Variants in SSC5D observed in about 807,000 individuals in gnomAD.
SSC5D encodes scavenger receptor cysteine rich family member with 5 domains, also known as soluble scavenger receptor cysteine-rich domain-containing protein SSC5D.
SSC5D carries 106 observed loss-of-function variants against 104.6 expected under a neutral mutation model. The observed-to-expected ratio is 1.01, with a 90% CI of 0.87 to 1.19. The LOEUF is 1.19. Ranked by LOEUF, SSC5D falls within the 50% of genes most tolerant of loss-of-function variation. SSC5D has a pLI of 0.00. For synonymous variants in SSC5D, 860 were observed against 883.5 expected, an observed-to-expected ratio of 0.97 and a Z score of 0.47; for missense variants, 1,993 against 2,153.8, an observed-to-expected ratio of 0.93 and a Z score of 1.48.
rs1428825432 is a variant in SSC5D, at chr19:55,503,423, T to G, written c.2785+2222T>G. 6.6e-6 allele frequency among the ~76,000 whole-genome samples: 1 copy of G among 152,090 alleles called. No individual in the cohort carries two copies. Among genetic ancestry groups the G allele is most frequent in the Non-Finnish European group, 1.5e-5 (1 of 68,034 alleles). Reference sequence around the variant, plus strand: ...TATCTTTTCCTTTGTCTCTTACGGTTGTTTTCTGAGTCTCCATCTCCCGCG... The same window carrying G: ...TATCTTTTCCTTTGTCTCTTACGGTGGTTTTCTGAGTCTCCATCTCCCGCG... On this transcript the variant is annotated intron_variant, in intron 12 of 13. Coordinates refer to ENST00000389623, the MANE Select transcript of SSC5D (RefSeq NM_001144950.2). The surrounding 1 kb of genome is among the most constrained non-coding windows in gnomAD (Gnocchi z 4.0).
In SSC5D at chr19:55,494,648, G is replaced by A. The variant is rs766213863; in HGVS notation, c.1252G>A (p.Asp418Asn). 4.5e-6 allele frequency: 7 copies of A among 1,546,194 alleles called. No homozygotes were observed. The African/African-American group carries it at 5.5e-5, about 12-fold the overall frequency. Residue 418 changes from aspartate (D) to asparagine (N), a missense_variant, in exon 8 of 14, where the codon GAC becomes AAC. Transcript: ENST00000389623. ...CTACGTCCCTCCCACGGCCCCCACG[G>A]ACAGCAACAACTCCACGCCCAGGGA... Reference protein sequence around the residue: ...LGYVPPTAPTDSNNSTPREAA... With the variant: ...LGYVPPTAPTNSNNSTPREAA...
At position 55,490,858 on chromosome 19, in the gene SSC5D, GA is replaced by G. The variant is rs1311604703; in HGVS notation, c.674del (p.Asp225ValfsTer10). ...CGGGCGCTGGGGCACCGTATGTGAC[GA>G]TGGCTGGGACCTGCGCGACGCTGCT... is the stretch of plus-strand genomic sequence containing the variant. ...HGGRWGTVCD[D>X]GWDLRDAAVA... On this transcript the variant is annotated frameshift_variant, in exon 6 of 14. Coordinates refer to ENST00000389623, the MANE Select transcript of SSC5D (RefSeq NM_001144950.2). LOFTEE classifies it high-confidence loss of function. 1 of 1,547,022 alleles carries G rather than the reference GA, an allele frequency of 6.5e-7. No individual in the cohort carries two copies. The highest frequency in any genetic ancestry group is 8.7e-7 in the Non-Finnish European group (1 of 1,145,318).
intron 12 of SSC5D, among the ~76,000 whole-genome samples, chr19:55,511,268 G>A (rs1004466124): frequency 2.6e-5 from 4 of 152,220 alleles, no homozygotes; most frequent in African/African-American, 7.2e-5. Context: ...TTCTATCAGC[G>A]TGCAGTGTCT....
Position 55,517,267 on chromosome 19 carries a change from C to T in SSC5D, c.2991C>T (p.Pro997=), listed in dbSNP as rs1441305390. Residue 997 remains proline (P), a synonymous_variant, in exon 14 of 14, where the codon CCC becomes CCT. Transcript: ENST00000389623. The part of the protein sequence containing the change: ...KPWPERRPPR[P]AATRTAPPTP... ...GGCCCGAGCGCCGGCCACCGCGGCC[C>T]GCTGCGACCAGGACAGCGCCCCCAA... 6.5e-7 allele frequency: 1 copy of T among 1,545,138 alleles called. No homozygotes were observed. Among genetic ancestry groups the T allele is most frequent in the South Asian group, 1.2e-5 (1 of 83,992 alleles).
intron 6 of SSC5D, among the ~76,000 whole-genome samples, chr19:55,493,183 G>A (rs932699252): frequency 1.3e-5 from 2 of 152,206 alleles, no homozygotes; most frequent in African/African-American, 4.8e-5. Flanking sequence ...GACGTTTTTG[G>A]TTGTCGCAGC....
Position 55,500,195 on chromosome 19 carries a change from C to T in SSC5D, c.2085C>T (p.His695=). The change falls in exon 10 of 14, where the codon CAC becomes CAT. Residue 695 remains histidine (H), a synonymous_variant. Coordinates refer to ENST00000389623, the MANE Select transcript of SSC5D (RefSeq NM_001144950.2). This position sits in a 1 kb window ranked among gnomAD's most constrained non-coding sequence, Gnocchi z 4.6. ...TTEAPQRWTS[H]TTATLTPQAP... ...AGGCCCCCCAGAGATGGACCTCTCACACCACTGCCACGCTGACCCCTCAGG... is the reference window on the plus strand; with the variant it reads ...AGGCCCCCCAGAGATGGACCTCTCATACCACTGCCACGCTGACCCCTCAGG... The T allele has an allele frequency of 6.4e-7, 1 of 1,551,398 alleles. No individual in the cohort carries two copies. Among genetic ancestry groups the T allele is most frequent in the Admixed American group, 2.0e-5 (1 of 50,926 alleles).
chr19:55,507,915 G>C (rs1987674662), intron 12 of SSC5D, among the ~76,000 whole-genome samples: 1 of 152,070 alleles, frequency 6.6e-6, no homozygotes, highest in Non-Finnish European at 1.5e-5. Flanking sequence ...CAATGGCTCT[G>C]ATCAGGGTGG....
Position 55,517,724 on chromosome 19 carries a change from C to T in SSC5D, c.3448C>T (p.His1150Tyr), listed in dbSNP as rs1272364814. 1 of 1,550,098 alleles carries T rather than the reference C, an allele frequency of 6.5e-7. No individual in the cohort carries two copies. Among genetic ancestry groups the T allele is most frequent in the African/African-American group, 1.4e-5 (1 of 72,522 alleles). Reference protein sequence around the residue: ...SRSPDPSPSPHPTTTPDPTMA... With the variant: ...SRSPDPSPSPYPTTTPDPTMA... ...ATCCCCAGACCCCTCCCCAAGCCCT[C>T]ACCCCACTACTACCCCTGATCCCAC... Residue 1150 changes from histidine (H) to tyrosine (Y), a missense_variant, in exon 14 of 14, where the codon CAC (histidine) becomes TAC (tyrosine). Physicochemically the swap from His to Tyr is moderately conservative, Grantham distance 83. Transcript: ENST00000389623.
At chr19:55,504,994 A>T (rs1987607277) in intron 12 of SSC5D, among the ~76,000 whole-genome samples, 2 of 148,340 alleles carry the variant, frequency 1.3e-5, no homozygotes, top group African/African-American at 5.3e-5. Context: ...AACCTGTTTT[A>T]AGTGATTTCA....
Position 55,517,304 on chromosome 19 carries a change from G to A in SSC5D, c.3028G>A (p.Gly1010Ser), listed in dbSNP as rs1987893743. ...GACAGCGCCCCCAACCCCGTCCCCA[G>A]GTCCCTCCGCCTCTCCGGGACCCCC... is the stretch of plus-strand genomic sequence containing the variant. ...TRTAPPTPSP[G>S]PSASPGPPGP... The change falls in exon 14 of 14, where the codon GGT becomes AGT. Residue 1010 changes from glycine (G) to serine (S), a missense_variant. Transcript: ENST00000389623. The A allele has an allele frequency of 1.3e-6, 2 of 1,549,212 alleles. No individual in the cohort carries two copies. The highest frequency in any genetic ancestry group is 1.2e-5 in the South Asian group (1 of 84,036).
chr19:55,514,459 G>GTCA (rs1568484821), intron 13 of SSC5D, among the ~76,000 whole-genome samples: 1 of 130,146 alleles, frequency 7.7e-6, no homozygotes, highest in Admixed American at 7.9e-5. Context: ...AATAATAATA[G>GTCA]GTGTGGTGGC....
chr19:55,490,935 T>A lies in SSC5D; in HGVS notation c.750T>A (p.Gly250=). 6.5e-7 allele frequency: 1 copy of A among 1,544,428 alleles called. No homozygotes were observed. The highest frequency in any genetic ancestry group is 8.7e-7 in the Non-Finnish European group (1 of 1,143,722). The change falls in exon 6 of 14, where the codon GGT becomes GGA. Residue 250 remains glycine, a synonymous_variant. Coordinates refer to ENST00000389623, the MANE Select transcript of SSC5D (RefSeq NM_001144950.2). ...GCGGALAAPG[G]ARFGPGAGPV... ...GGGGGGCGCTGGCTGCCCCCGGCGG[T>A]GCCAGATTCGGGCCTGGTGCAGGGC...
chr19:55,494,812 C>A (rs1343683876), intron 8 of SSC5D, 29 bp downstream of exon 8: 3 of 1,510,218 alleles, frequency 2.0e-6, no homozygotes, highest in Non-Finnish European at 2.7e-6. Flanking sequence ...CCCAAGAAAA[C>A]AGGGTCCTTC....
In SSC5D at chr19:55,498,026, G is replaced by A. The variant is rs1568478210; in HGVS notation, c.1534G>A (p.Gly512Arg). The change falls in exon 9 of 14, where the codon GGA becomes AGA. Residue 512 changes from glycine (G) to arginine (R), a missense_variant. Transcript: ENST00000389623. ...AVVCRELGCG[G>R]PQQPDPAAGR... ...GGTCTGCCGGGAGCTGGGCTGTGGT[G>A]GACCTCAGCAGCCAGACCCTGCTGC... The A allele has an allele frequency of 6.4e-7, 1 of 1,551,756 alleles. No individual in the cohort carries two copies.
At chr19:55,505,924 A>G in intron 12 of SSC5D, among the ~76,000 whole-genome samples, 1 of 151,582 alleles carries the variant, frequency 6.6e-6, no homozygotes, top group East Asian at 1.9e-4. Flanking sequence ...TTTAGTAGAG[A>G]TGGGGTTTCA....
In SSC5D at chr19:55,493,770, C is replaced by G; in HGVS notation, c.1071C>G (p.Ala357=). The G allele has an allele frequency of 2.0e-6, 3 of 1,532,126 alleles. No individual in the cohort carries two copies. The highest frequency in any genetic ancestry group is 2.6e-6 in the Non-Finnish European group (3 of 1,140,334). 94.9% of individuals were successfully genotyped at this position (1,532,126 alleles called of 1,614,324 possible). ...CGGALAAPGG[A]FFGEGSGPII... is the part of the protein sequence containing the mutation. ...GGGCGCTGGCCGCCCCCGGGGGCGC[C>G]TTCTTTGGGGAGGGGTCTGGACCCA... The change falls in exon 7 of 14, where the codon GCC becomes GCG. Residue 357 remains alanine, a synonymous_variant. Coordinates refer to ENST00000389623, the MANE Select transcript of SSC5D (RefSeq NM_001144950.2).
In SSC5D at chr19:55,517,738, C is replaced by G. The variant is rs1987905916; in HGVS notation, c.3462C>G (p.Thr1154=). ...CCCCAAGCCCTCACCCCACTACTACCCCTGATCCCACCATGGCCCCTGACC... is the reference window on the plus strand; with the variant it reads ...CCCCAAGCCCTCACCCCACTACTACGCCTGATCCCACCATGGCCCCTGACC... The part of the protein sequence containing the change: ...DPSPSPHPTT[T]PDPTMAPDPI... Residue 1154 remains threonine, a synonymous_variant, in exon 14 of 14, where the codon ACC becomes ACG. Transcript: ENST00000389623. The G allele has an allele frequency of 6.5e-7, 1 of 1,549,128 alleles. No individual in the cohort carries two copies.
In SSC5D at chr19:55,518,270, T is replaced by G. The variant is rs1421788398; in HGVS notation, c.3994T>G (p.Ser1332Ala). 2.0e-6 allele frequency: 3 copies of G among 1,510,802 alleles called. No homozygotes were observed. The highest frequency in any genetic ancestry group is 2.6e-6 in the Non-Finnish European group (3 of 1,134,166). The allele number at this position is 1,510,802 out of a possible 1,614,324, so 93.6% of individuals were successfully genotyped here. A position where few individuals can be genotyped will look rare whatever the true frequency, so the allele number is the denominator to read the frequency against. The change falls in exon 14 of 14, where the codon TCA becomes GCA. Residue 1332 changes from serine (S) to alanine (A), a missense_variant. Physicochemically the swap from Ser to Ala is moderately conservative, Grantham distance 99. This residue lies in a region of SSC5D where 349 missense variants were observed against 397.6 expected (regional missense o/e 0.88). Transcript: ENST00000389623. ...TCACCCCACAACTCCTGACCCTTCC[T>G]CAACCCCTGTCATCACTACTGTGTC... Reference protein sequence around the residue: ...TPHPTTPDPSSTPVITTVSLP... With the variant: ...TPHPTTPDPSATPVITTVSLP...
chr19:55,508,202 G>T (rs1290846560), intron 12 of SSC5D, among the ~76,000 whole-genome samples: 2 of 152,144 alleles, frequency 1.3e-5, no homozygotes, highest in Non-Finnish European at 2.9e-5. Flanking sequence ...TGACTGCACA[G>T]ATAGACAGCT....
Sources: allele counts gnomAD v4.1 joint callset (sites outside exome capture counted in the v4.1 genomes callset), GRCh38; gene constraint gnomAD v4.1.1; regional missense constraint gnomAD v4.1.1; non-coding constraint Gnocchi (gnomAD v3.1); transcripts MANE v1.5; gene names NCBI Gene and HGNC (gene_info 2026-07-23, HGNC 2026-07-21).